Variants in FRMPD4 observed in about 807,000 individuals in gnomAD.
The protein encoded by FRMPD4 is FERM and PDZ domain containing 4.
A neutral mutation model predicts 94.1 loss-of-function variants in FRMPD4; 22 were observed. The observed-to-expected ratio is 0.23, with a 90% confidence interval of 0.17 to 0.33. The LOEUF is 0.33. Ranked by LOEUF, FRMPD4 falls within the 10% of genes least tolerant of loss-of-function variation. The pLI, the probability that FRMPD4 is intolerant of heterozygous loss-of-function variation, is 1.00. For synonymous variants in FRMPD4, 631 were observed against 548.6 expected (o/e 1.15, Z -2.10); for missense variants, 1,111 against 1,339.9 (o/e 0.83, Z 2.67).
intron 1 of FRMPD4, among the ~76,000 whole-genome samples, chrX:12,248,016 A>G (rs778276227): frequency 5.0e-4 from 56 of 112,142 alleles, no homozygotes; most frequent in African/African-American, 1.7e-3. Context: ...TCCTTTCTTT[A>G]TCTCCTACCT....
At chrX:12,720,029 GGAAAGGAAAGGAAAGGAAAGGAAAGAAA>G (rs1468702279) in intron 16 of FRMPD4, among the ~76,000 whole-genome samples, 726 of 32,900 alleles carry the variant, frequency 0.022, 12 homozygotes, top group African/African-American at 0.069. Context: ...GGAAAGGAAA[GGAAAGGAAAGGAAAGGAAAGGAAAGAAA>G]GAAAGAAAGA....
intron 2 of FRMPD4, among the ~76,000 whole-genome samples, chrX:12,560,675 A>G (rs936606498): frequency 2.0e-5 from 2 of 98,781 alleles, no homozygotes; most frequent in Non-Finnish European, 4.0e-5. Context: ...TGGCATGTGT[A>G]TATTTTTTCA....
At chrX:12,083,550 G>T (rs1374836382) in intron 3 of FRMPD4, among the ~76,000 whole-genome samples, 5 of 112,506 alleles carry the variant, frequency 4.4e-5, no homozygotes, top group African/African-American at 1.3e-4. Context: ...GTGGAGCTAT[G>T]AGAAGAAGGC....
chrX:12,421,289 A>T (rs1476251352), intron 1 of FRMPD4, among the ~76,000 whole-genome samples: 1 of 112,309 alleles, frequency 8.9e-6, no homozygotes, highest in African/African-American at 3.2e-5. Flanking sequence ...TGACAAAATA[A>T]TCCTTTTTAG....
chrX:11,888,585 T>A (rs1042618444), intron 3 of FRMPD4, among the ~76,000 whole-genome samples: 4 of 111,845 alleles, frequency 3.6e-5, no homozygotes, highest in Non-Finnish European at 5.6e-5. Flanking sequence ...TAGTTCTTTT[T>A]ACCCCCTCAT....
intron 2 of FRMPD4, among the ~76,000 whole-genome samples, chrX:11,871,093 G>T (rs1405903346): frequency 8.9e-6 from 1 of 112,641 alleles, no homozygotes; most frequent in Non-Finnish European, 1.9e-5. Flanking sequence ...GGCTGGAAAT[G>T]CAGAAGCATT....
intron 1 of FRMPD4, among the ~76,000 whole-genome samples, chrX:12,160,528 G>A (rs777537004): frequency 2.4e-4 from 27 of 111,759 alleles, no homozygotes; most frequent in Non-Finnish European, 4.9e-4. Context: ...TTTCAGGGGA[G>A]TTCCTTTGTA....
intron 2 of FRMPD4, chrX:12,583,407 A>G: frequency 3.5e-6 from 4 of 1,129,422 alleles, no homozygotes; most frequent in Non-Finnish European, 4.9e-6. Context: ...AGTACTGGGC[A>G]CACTCACCGA....
intron 2 of FRMPD4, among the ~76,000 whole-genome samples, chrX:12,601,760 C>G (rs1472724738): frequency 1.8e-5 from 2 of 111,210 alleles, no homozygotes. Context: ...CCTAAGATAC[C>G]CTGATCCAAA....
intron 2 of FRMPD4, among the ~76,000 whole-genome samples, chrX:12,554,644 C>G (rs2058576038): frequency 8.9e-6 from 1 of 111,832 alleles, no homozygotes; most frequent in Admixed American, 9.5e-5. Flanking sequence ...TAGGGTTTCA[C>G]TCTGTTGCCT....
At chrX:11,851,104 G>T (rs1188907844) in intron 1 of FRMPD4, among the ~76,000 whole-genome samples, 1 of 111,877 alleles carries the variant, frequency 8.9e-6, no homozygotes, top group East Asian at 2.8e-4. Flanking sequence ...AGGTGGGGTG[G>T]AAAGGTGCTA....
chrX:12,532,591 TCAC>T (rs2058296799), intron 2 of FRMPD4, among the ~76,000 whole-genome samples: 1 of 112,098 alleles, frequency 8.9e-6, no homozygotes, highest in Non-Finnish European at 1.9e-5. Flanking sequence ...ACATTCATGC[TCAC>T]CACTACTTCG....
At chrX:12,654,064 C>T (rs2059627720) in intron 4 of FRMPD4, among the ~76,000 whole-genome samples, 2 of 112,328 alleles carry the variant, frequency 1.8e-5, no homozygotes, top group South Asian at 7.4e-4. Flanking sequence ...AGCCACCGTG[C>T]CCAGCCAAAA....
intron 1 of FRMPD4, among the ~76,000 whole-genome samples, chrX:12,323,371 C>T (rs1321048681): frequency 1.8e-5 from 2 of 111,985 alleles, no homozygotes; most frequent in Non-Finnish European, 3.8e-5. Flanking sequence ...CTCTTCATAG[C>T]AGCATGCCTG....
At chrX:12,474,882 T>C (rs2057572262) in intron 1 of FRMPD4, among the ~76,000 whole-genome samples, 1 of 111,142 alleles carries the variant, frequency 9.0e-6, no homozygotes, top group Non-Finnish European at 1.9e-5. Context: ...CTACCAGAGG[T>C]ACAAGGAGGA....
chrX:11,983,771 G>A (rs757973443), intron 3 of FRMPD4, among the ~76,000 whole-genome samples: 5 of 111,343 alleles, frequency 4.5e-5, no homozygotes, highest in East Asian at 2.8e-4. Context: ...CAAAAAGTTC[G>A]TGGAATTAAA....
chrX:12,479,004 C>T (rs2057639005), intron 1 of FRMPD4, among the ~76,000 whole-genome samples: 1 of 111,187 alleles, frequency 9.0e-6, no homozygotes, highest in African/African-American at 3.3e-5. Context: ...CATAACATTA[C>T]CACATGCCAT....
intron 2 of FRMPD4, among the ~76,000 whole-genome samples, chrX:12,546,601 A>G (rs1252542471): frequency 8.9e-6 from 1 of 112,166 alleles, no homozygotes; most frequent in Admixed American, 9.5e-5. Context: ...ATACTCTTCT[A>G]TAATGTTAAA....
intron 3 of FRMPD4, among the ~76,000 whole-genome samples, chrX:12,108,402 C>G (rs1351834220): frequency 8.9e-6 from 1 of 111,962 alleles, no homozygotes; most frequent in Non-Finnish European, 1.9e-5. Flanking sequence ...CAGGCCTGCT[C>G]TACAAGAGCT....
Sources: gnomAD v4.1 joint callset for allele counts (sites outside exome capture counted in the v4.1 genomes callset) on GRCh38, gnomAD v4.1.1 for gene constraint, MANE v1.5 for transcripts, NCBI Gene and HGNC (gene_info 2026-07-23, HGNC 2026-07-21) for gene names.